PGM2: variants seen among roughly 807,000 people sequenced by gnomAD.
PGM2 encodes the protein phosphopentomutase.
A neutral mutation model predicts 74.6 loss-of-function variants in PGM2; 57 were observed. The observed-to-expected ratio is 0.76, with a 90% CI of 0.62 to 0.95. The LOEUF (loss-of-function observed/expected upper bound fraction) is 0.95, where lower values mean the gene tolerates loss of function less well. Ranked by LOEUF, PGM2 falls within the 40% of genes least tolerant of loss-of-function variation. The pLI is 0.00. For missense variants in PGM2, 706 were observed against 741.9 expected (o/e 0.95, Z 0.56); for synonymous variants, 273 against 260.7 (o/e 1.05, Z -0.46).
chr4:37,851,961 G>A (rs148668183), intron 12 of PGM2, among the ~76,000 whole-genome samples: 1 of 135,338 alleles, frequency 7.4e-6, no homozygotes, highest in African/African-American at 2.8e-5. Context: ...CCTTTTGTTT[G>A]TTTGTTTTCT....
chr4:37,847,164 T>A (rs759625293), intron 9 of PGM2, 38 bp from the exon 10 acceptor site: 1 of 1,597,618 alleles, frequency 6.3e-7, no homozygotes, highest in Non-Finnish European at 8.6e-7. Context: ...CTGTAGAAGA[T>A]CTAAGGCATG....
chr4:37,835,657 T>TG (rs1725549274), intron 3 of PGM2, among the ~76,000 whole-genome samples: 1 of 152,208 alleles, frequency 6.6e-6, no homozygotes, highest in Non-Finnish European at 1.5e-5. Context: ...TTTACAGAGC[T>TG]GGATGAGTTT....
chr4:37,840,220 A>G lies in PGM2; in HGVS notation c.680A>G (p.Asn227Ser). The change falls in exon 6 of 14, where the codon AAT becomes AGT. Residue 227 changes from asparagine to serine, a missense_variant. Physicochemically the swap from Asn to Ser is conservative, Grantham distance 46. This residue lies in a region of PGM2 where 332 missense variants were observed against 334.9 expected (regional missense o/e 0.99). Transcript: ENST00000381967. The stretch of plus-strand genomic sequence containing the variant: ...CACAATCCGAGTGCTTCCATCAATA[A>G]TGACTACTTTGAAGACCTTAAAAAG... ...LLHNPSASINNDYFEDLKKYC... is the reference protein window; with the variant it reads ...LLHNPSASINSDYFEDLKKYC... 6.2e-7 allele frequency: 1 copy of G among 1,612,826 alleles called. No individual in the cohort carries two copies. The highest frequency in any genetic ancestry group is 8.5e-7 in the Non-Finnish European group (1 of 1,178,768).
rs369648096 is a variant in PGM2 at position 37,835,057 on chromosome 4, G to A, written c.356+333G>A. ...CATGACCCCCTTCCCTCTCTTGAACGCCCACGTCAAGCTGCATTTCTGAAA... is the reference window on the plus strand; with the variant it reads ...CATGACCCCCTTCCCTCTCTTGAACACCCACGTCAAGCTGCATTTCTGAAA... On this transcript the variant is annotated intron_variant, in intron 3 of 13. Transcript: ENST00000381967. Among the ~76,000 whole-genome samples, 36 of 151,828 alleles carry A rather than the reference G, an allele frequency of 2.4e-4. 1 individual carries two copies. Among genetic ancestry groups the A allele is most frequent in the Admixed American group, 1.1e-3 (17 of 15,240 alleles).
In PGM2 at chr4:37,861,548, T is replaced by A. The variant is rs769029503; in HGVS notation, c.1775T>A (p.Val592Asp). The change falls in exon 14 of 14, where the codon GTC (valine) becomes GAC (aspartate). Residue 592 changes from valine to aspartate, a missense_variant. Coordinates refer to ENST00000381967, the MANE Select transcript of PGM2 (RefSeq NM_018290.4). ...CTGAAGAAGGAACTGAATGAACTGGTCAGTGCTATTGAAGAACATTTTTTC... is the reference window on the plus strand; with the variant it reads ...CTGAAGAAGGAACTGAATGAACTGGACAGTGCTATTGAAGAACATTTTTTC... ...EQLKKELNEL[V>D]SAIEEHFFQP... 6.2e-7 allele frequency: 1 copy of A among 1,613,432 alleles called. No homozygotes were observed. Among genetic ancestry groups the A allele is most frequent in the Non-Finnish European group, 8.5e-7 (1 of 1,179,482 alleles).
At position 37,850,246 on chromosome 4, in the gene PGM2, AATT is replaced by A; in HGVS notation, c.1479_1481del (p.Leu493del). The A allele has an allele frequency of 1.3e-6, 2 of 1,584,266 alleles. No individual in the cohort carries two copies. The highest frequency in any genetic ancestry group is 1.7e-6 in the Non-Finnish European group (2 of 1,169,796). On this transcript the variant is annotated inframe_deletion, in exon 12 of 14. Transcript: ENST00000381967. The stretch of plus-strand genomic sequence containing the variant: ...TGCCATGATCAAGAAACCATTAAGA[AATT>A]ATTTGAAAACCTCAGAAACTACGAT...
At chr4:37,847,888 A>T (rs1725920583) in intron 10 of PGM2, among the ~76,000 whole-genome samples, 1 of 152,280 alleles carries the variant, frequency 6.6e-6, no homozygotes, top group African/African-American at 2.4e-5. Context: ...AAAAACTATT[A>T]TGCATTAGAT....
chr4:37,837,865 G>A (rs545802504), intron 4 of PGM2, among the ~76,000 whole-genome samples: 2 of 147,260 alleles, frequency 1.4e-5, no homozygotes, highest in South Asian at 4.2e-4. Context: ...TGCATTCTAA[G>A]GGTATTCGAG....
chr4:37,843,900 G>A (rs1193233941), intron 6 of PGM2, among the ~76,000 whole-genome samples: 1 of 152,164 alleles, frequency 6.6e-6, no homozygotes. Flanking sequence ...ATATCTTTAT[G>A]TATGGGATAA....
chr4:37,839,414 C>T (rs1725646326), intron 4 of PGM2: 1 of 378,888 alleles, frequency 2.6e-6, no homozygotes, highest in Non-Finnish European at 5.2e-6. Context: ...CACCCCTGGC[C>T]CCTCAGTGTT....
At chr4:37,828,445 G>A (rs1725354297) in intron 1 of PGM2, among the ~76,000 whole-genome samples, 1 of 151,692 alleles carries the variant, frequency 6.6e-6, no homozygotes, top group Non-Finnish European at 1.5e-5. Context: ...ATTCTCCAGT[G>A]AACCTCCCAC....
At chr4:37,844,832 G>A (rs549584333) in intron 7 of PGM2, among the ~76,000 whole-genome samples, 1 of 152,222 alleles carries the variant, frequency 6.6e-6, no homozygotes, top group East Asian at 1.9e-4. Context: ...GCTGGGTGTG[G>A]TGGTACATGC....
intron 12 of PGM2, among the ~76,000 whole-genome samples, chr4:37,851,689 A>T (rs2152180384): frequency 6.6e-6 from 1 of 152,336 alleles, no homozygotes; most frequent in South Asian, 2.1e-4. Context: ...TTTGTAAATC[A>T]TGTGCTCATA....
chr4:37,854,386 T>C (rs1726131823), intron 12 of PGM2, among the ~76,000 whole-genome samples: 1 of 152,078 alleles, frequency 6.6e-6, no homozygotes, highest in East Asian at 1.9e-4. Context: ...AGTTTCACTC[T>C]GTTACCCAGG....
At position 37,834,760 on chromosome 4, in the gene PGM2, A is replaced by T. The variant is rs201949233; in HGVS notation, c.356+36A>T. The T allele has an allele frequency of 2.6e-4, 265 of 1,038,340 alleles. 1 individual carries two copies. Among genetic ancestry groups the T allele is most frequent in the Admixed American group, 1.2e-3 (61 of 49,168 alleles). 64.3% of individuals were successfully genotyped at this position (1,038,340 alleles called of 1,614,324 possible). ...ATTTTTACAAAATGATGTTTTTATA[A>T]TTTATTTTGCAGTTTTATTTTAATC... On this transcript the variant is annotated intron_variant, in intron 3 of 13. Coordinates refer to ENST00000381967, the MANE Select transcript of PGM2 (RefSeq NM_018290.4).
intron 10 of PGM2, 37 bp from the exon 11 acceptor site, chr4:37,848,482 CAGT>C: frequency 7.0e-6 from 11 of 1,566,448 alleles, no homozygotes; most frequent in Non-Finnish European, 9.6e-6. Flanking sequence ...TGGTTTGACA[CAGT>C]ATTGTATAGA....
chr4:37,828,098 C>T (rs1440251618), intron 1 of PGM2, among the ~76,000 whole-genome samples: 1 of 152,212 alleles, frequency 6.6e-6, no homozygotes, highest in Non-Finnish European at 1.5e-5. Flanking sequence ...CAGCAAATCC[C>T]ATTTCCAGGA....
chr4:37,828,797 C>T (rs1256891384), intron 1 of PGM2, among the ~76,000 whole-genome samples: 1 of 152,166 alleles, frequency 6.6e-6, no homozygotes, highest in Non-Finnish European at 1.5e-5. Context: ...TTTATTGAGG[C>T]TCTTTTATGA....
At chr4:37,841,162 G>GTC in intron 6 of PGM2, among the ~76,000 whole-genome samples, 1 of 118,958 alleles carries the variant, frequency 8.4e-6, no homozygotes, top group African/African-American at 4.1e-5. Flanking sequence ...GAATATTTGT[G>GTC]TGTGTGTGTG....
Sources: allele counts gnomAD v4.1 joint callset (sites outside exome capture counted in the v4.1 genomes callset), GRCh38; gene constraint gnomAD v4.1.1; regional missense constraint gnomAD v4.1.1; transcripts MANE v1.5; gene names NCBI Gene and HGNC (gene_info 2026-07-23, HGNC 2026-07-21).